Variants in RBM42 observed in about 807,000 individuals in gnomAD.
The protein encoded by RBM42 is RNA-binding protein 42.
In RBM42, 21 loss-of-function variants were observed where a neutral mutation model predicts 41.4. The observed-to-expected ratio is 0.51, with a 90% confidence interval of 0.36 to 0.73. RBM42 has a LOEUF of 0.73. RBM42 is among the 30% of genes least tolerant of loss of function. RBM42 has a pLI of 0.00. For synonymous variants in RBM42, 272 were observed against 271.2 expected, an observed-to-expected ratio of 1.00 and a Z score of -0.03; for missense variants, 539 against 680.4, an observed-to-expected ratio of 0.79 and a Z score of 2.31.
At chr19:35,633,594 C>T (rs757648816) in intron 6 of RBM42, 93 bp from the exon 7 acceptor site, 9 of 1,268,876 alleles carry the variant, frequency 7.1e-6, no homozygotes, top group Non-Finnish European at 9.2e-6. Context: ...TGCTCTCTGG[C>T]CCCCAGGCCC....
chr19:35,629,252 C>A lies in RBM42; in HGVS notation c.99C>A (p.Arg33=). The change falls in exon 1 of 10, where the codon CGC becomes CGA. Residue 33 remains arginine, a synonymous_variant. Transcript: ENST00000262633. ...AGIPGKSGEE[R]LKEMEAEMAL... ...TCCCGGGCAAAAGCGGCGAGGAACGCTTGAAGGAAATGGAGGCGGAGATGG... is the reference window on the plus strand; with the variant it reads ...TCCCGGGCAAAAGCGGCGAGGAACGATTGAAGGAAATGGAGGCGGAGATGG... 6.5e-7 allele frequency: 1 copy of A among 1,536,414 alleles called. No individual in the cohort carries two copies. The highest frequency in any genetic ancestry group is 8.7e-7 in the Non-Finnish European group (1 of 1,144,712).
chr19:35,633,705 C>A lies in RBM42; in HGVS notation c.703C>A (p.Arg235=). ...RPPLEEPAAP[R]ELGLGLGLGL... ...CCCACAGGAAGAGCCAGCAGCACCC[C>A]GAGAGCTGGGCCTAGGCCTGGGGTT... is the stretch of plus-strand genomic sequence containing the variant. The change falls in exon 7 of 10, where the codon CGA becomes AGA. Residue 235 remains arginine, a synonymous_variant. Transcript: ENST00000262633. 1 of 1,466,498 alleles carries A rather than the reference C, an allele frequency of 6.8e-7. No homozygotes were observed. Among genetic ancestry groups the A allele is most frequent in the Non-Finnish European group, 9.0e-7 (1 of 1,113,662 alleles). 90.8% of individuals were successfully genotyped at this position (1,466,498 alleles called of 1,614,324 possible).
At chr19:35,632,896 T>C (rs765928994) in intron 4 of RBM42, 40 bp from the exon 5 acceptor site, 3 of 825,438 alleles carry the variant, frequency 3.6e-6, no homozygotes, top group Non-Finnish European at 4.3e-6. Flanking sequence ...CAAGTGCCCC[T>C]GTCCCCCATG....
At chr19:35,634,683 G>C (rs1341638522) in intron 8 of RBM42, among the ~76,000 whole-genome samples, 1 of 144,130 alleles carries the variant, frequency 6.9e-6, no homozygotes, top group Non-Finnish European at 1.5e-5. Context: ...TTATGAGACA[G>C]AGTACCACTC....
Position 35,633,149 on chromosome 19 carries a change from G to T in RBM42, c.581G>T (p.Gly194Val). 6.4e-7 allele frequency: 1 copy of T among 1,570,474 alleles called. No homozygotes were observed. ...ALRPPHQALV[G>V]PPLPGPPGPP... ...CGGCCCCCTCACCAGGCCCTCGTGG[G>T]CCCCCCTCTGCCTGGGCCCCCTGGA... is the stretch of plus-strand genomic sequence containing the variant. The change falls in exon 6 of 10, where the codon GGC (glycine) becomes GTC (valine). Residue 194 changes from glycine to valine, a missense_variant. Physicochemically the swap from Gly to Val is moderately radical, Grantham distance 109. Around this residue, in one of 2 missense-constraint regions of RBM42, gnomAD observed 429 missense variants for 488.9 expected, o/e 0.88. Transcript: ENST00000262633.
rs557864532 is a variant in RBM42, at chr19:35,637,072, C to T, written c.1136-86C>T. ...GAGGTCCCTAGGCAGAGACTAGATA[C>T]CTCCGAAAAGGTGGGATCGTTCAGA... On this transcript the variant is annotated intron_variant, in intron 8 of 9. Coordinates refer to ENST00000262633, the MANE Select transcript of RBM42 (RefSeq NM_024321.5). This position sits in a 1 kb window ranked among gnomAD's most constrained non-coding sequence, Gnocchi z 7.0. 67 of 1,271,360 alleles carry T rather than the reference C, an allele frequency of 5.3e-5. No individual in the cohort carries two copies. The highest frequency in any genetic ancestry group is 6.8e-5 in the Non-Finnish European group (62 of 913,222). The allele number at this position is 1,271,360 out of a possible 1,614,324, so 78.8% of individuals were successfully genotyped here. A position where few individuals can be genotyped will look rare whatever the true frequency, so the allele number is the denominator to read the frequency against.
intron 4 of RBM42, among the ~76,000 whole-genome samples, chr19:35,632,578 G>A (rs1274295299): frequency 6.6e-6 from 1 of 152,034 alleles, no homozygotes; most frequent in African/African-American, 2.4e-5. Flanking sequence ...CCCTCTCTTA[G>A]CACTGATCCC....
intron 8 of RBM42, among the ~76,000 whole-genome samples, chr19:35,635,521 T>C (rs949626549): frequency 5.2e-5 from 6 of 115,680 alleles, no homozygotes; most frequent in East Asian, 2.7e-4. Context: ...CTTTTTTTTT[T>C]TCTTTTTTTT....
At chr19:35,633,326 A>G (rs1967439523) in intron 6 of RBM42, 74 bp downstream of exon 6, 2 of 1,208,000 alleles carry the variant, frequency 1.7e-6, no homozygotes, top group African/African-American at 1.5e-5. Flanking sequence ...CCAATGGGCT[A>G]TGTCTGAGTT....
intron 3 of RBM42, 32 bp downstream of exon 3, chr19:35,631,256 G>A (rs372287112): frequency 1.2e-4 from 192 of 1,612,524 alleles, no homozygotes; most frequent in Non-Finnish European, 1.5e-4. Flanking sequence ...GAGGGGGTTG[G>A]GCAATCAGGC....
Position 35,633,671 on chromosome 19 carries a change from C to A in RBM42, c.685-16C>A. 1 of 1,425,170 alleles carries A rather than the reference C, an allele frequency of 7.0e-7. No individual in the cohort carries two copies. The allele number at this position is 1,425,170 out of a possible 1,614,324, so 88.3% of individuals were successfully genotyped here. On this transcript the variant is annotated splice_polypyrimidine_tract_variant and intron_variant, in intron 6 of 9. Coordinates refer to ENST00000262633, the MANE Select transcript of RBM42 (RefSeq NM_024321.5). ...CCTGTGAGCCGGCCCCCCTCATGCT[C>A]TCCTCTTACCCACAGGAAGAGCCAG...
chr19:35,632,314 G>A (rs901144509), intron 4 of RBM42, among the ~76,000 whole-genome samples: 3 of 152,038 alleles, frequency 2.0e-5, no homozygotes, highest in Non-Finnish European at 4.4e-5. Context: ...CAAGAATGCT[G>A]TGCTTTAAGA....
In RBM42 at chr19:35,637,139, ATC is replaced by A; in HGVS notation, c.1136-15_1136-14del. 1 of 1,600,500 alleles carries A rather than the reference ATC, an allele frequency of 6.2e-7. No individual in the cohort carries two copies. The highest frequency in any genetic ancestry group is 1.3e-5 in the African/African-American group (1 of 74,750). ...CAAGGCCTCTGCATCCTCTGATGTC[ATC>A]TCTTCCCCATCCCCAGATGACTTCC... is the stretch of plus-strand genomic sequence containing the variant. On this transcript the variant is annotated splice_polypyrimidine_tract_variant and intron_variant, in intron 8 of 9. Coordinates refer to ENST00000262633, the MANE Select transcript of RBM42 (RefSeq NM_024321.5). This position sits in a 1 kb window ranked among gnomAD's most constrained non-coding sequence, Gnocchi z 7.0.
In RBM42 at chr19:35,634,265, C is replaced by T. The variant is rs145466071; in HGVS notation, c.1027C>T (p.Pro343Ser). 1 of 1,613,864 alleles carries T rather than the reference C, an allele frequency of 6.2e-7. No individual in the cohort carries two copies. The change falls in exon 8 of 10, where the codon CCC becomes TCC. Residue 343 changes from proline (P) to serine (S), a missense_variant. By Grantham distance (74) the Pro-to-Ser change is moderately conservative. This residue lies in a region of RBM42 where 429 missense variants were observed against 488.9 expected (regional missense o/e 0.88). Transcript: ENST00000262633. Reference sequence around the variant, plus strand: ...CCCCTTTCCTCTGCAGGTCCCAGAGCCCCTGGGTGAAGACAAGAAGAAGGG... The same window carrying T: ...CCCCTTTCCTCTGCAGGTCCCAGAGTCCCTGGGTGAAGACAAGAAGAAGGG... ...PGLMALEVPE[P>S]LGEDKKKGKP...
chr19:35,633,922 G>T lies in RBM42; in HGVS notation c.920G>T (p.Gly307Val). ...CCCCTCCCGTTGGAGGTCGTCCGCG[G>T]CCTCCTGCCCCCGCTGCGCATTCCT... ...PLPLPLEVVR[G>V]LLPPLRIPEL... is the part of the protein sequence containing the mutation. Residue 307 changes from glycine to valine, a missense_variant, in exon 7 of 10, where the codon GGC becomes GTC. This residue lies in a region of RBM42 where 429 missense variants were observed against 488.9 expected (regional missense o/e 0.88). Transcript: ENST00000262633. The T allele has an allele frequency of 6.3e-7, 1 of 1,589,814 alleles. No homozygotes were observed.
Position 35,633,186 on chromosome 19 carries a change from G to A in RBM42, c.618G>A (p.Met206Ile). ...CTGGGCCCCCTGGACCACCCATGAT[G>A]CTGCCACCAATGGCTCGGGCTCCAG... is the stretch of plus-strand genomic sequence containing the variant. The part of the protein sequence containing the change: ...PLPGPPGPPM[M>I]LPPMARAPGP... The change falls in exon 6 of 10, where the codon ATG (methionine) becomes ATA (isoleucine). Residue 206 changes from methionine to isoleucine, a missense_variant. Physicochemically the swap from Met to Ile is conservative, Grantham distance 10. This residue lies in a region of RBM42 where 429 missense variants were observed against 488.9 expected (regional missense o/e 0.88). Transcript: ENST00000262633. 6.2e-7 allele frequency: 1 copy of A among 1,612,482 alleles called. No individual in the cohort carries two copies. Among genetic ancestry groups the A allele is most frequent in the Non-Finnish European group, 8.5e-7 (1 of 1,179,164 alleles).
In RBM42 at chr19:35,633,367, C is replaced by T. The variant is rs1967440169; in HGVS notation, c.684+115C>T. On this transcript the variant is annotated intron_variant, in intron 6 of 9. Coordinates refer to ENST00000262633, the MANE Select transcript of RBM42 (RefSeq NM_024321.5). ...CTCTCCTGACTTTCTGTTTCTCTAC[C>T]TTCTCACTCTGCCTTTGTCTCTGTC... 5.9e-6 allele frequency: 5 copies of T among 841,004 alleles called. No homozygotes were observed. The Admixed American group carries it at 9.9e-5, about 17-fold the overall frequency. The allele number at this position is 841,004 out of a possible 1,614,324, so 52.1% of individuals were successfully genotyped here.
In RBM42 at chr19:35,633,058, C is replaced by A; in HGVS notation, c.509-19C>A. On this transcript the variant is annotated intron_variant, in intron 5 of 9. Transcript: ENST00000262633. ...TAACTCCCCCCAGGCCCTGGAACTCCCCACTAACACCCTGACAGATTCCGC... is the reference window on the plus strand; with the variant it reads ...TAACTCCCCCCAGGCCCTGGAACTCACCACTAACACCCTGACAGATTCCGC... The A allele has an allele frequency of 1.2e-6, 2 of 1,611,138 alleles. No homozygotes were observed. Among genetic ancestry groups the A allele is most frequent in the Non-Finnish European group, 1.7e-6 (2 of 1,177,538 alleles).
rs1330942309 is a variant in RBM42, at chr19:35,633,012, A to G, written c.508+11A>G. On this transcript the variant is annotated intron_variant, in intron 5 of 9. Transcript: ENST00000262633. ...TGCTACAGAGAGCAGGTGAGGGGCC[A>G]GGGTCATCATCCCTGCCACATAACT... The G allele has an allele frequency of 6.2e-7, 1 of 1,608,190 alleles. No individual in the cohort carries two copies. Among genetic ancestry groups the G allele is most frequent in the African/African-American group, 1.3e-5 (1 of 74,848 alleles).
Sources: allele counts gnomAD v4.1 joint callset (sites outside exome capture counted in the v4.1 genomes callset), GRCh38; gene constraint gnomAD v4.1.1; regional missense constraint gnomAD v4.1.1; non-coding constraint Gnocchi (gnomAD v3.1); transcripts MANE v1.5; gene names NCBI Gene and HGNC (gene_info 2026-07-23, HGNC 2026-07-21).